ZNF667: variants seen among roughly 807,000 people sequenced by gnomAD.
ZNF667 encodes the protein zinc finger protein 667, also known as myocardial ischemic preconditioning upregulated 1 ortholog.
A neutral mutation model predicts 31.8 loss-of-function variants in ZNF667; 13 were observed. The ratio of observed to expected loss-of-function variants is 0.41; its 90% CI spans 0.27 to 0.65. The LOEUF (loss-of-function observed/expected upper bound fraction) is 0.65, where lower values mean the gene tolerates loss of function less well. Among genes scored for constraint, ZNF667 ranks in the 30% least tolerant of loss-of-function variants. The probability of loss-of-function intolerance (pLI) is 0.32; values close to 1 mark genes in which losing one functional copy is unlikely to be tolerated. For synonymous variants in ZNF667, 228 were observed against 247.1 expected, an observed-to-expected ratio of 0.92 and a Z score of 0.73; for missense variants, 642 against 725.6, an observed-to-expected ratio of 0.88 and a Z score of 1.32.
chr19:56,456,786 T>C (rs973373526), intron 6 of ZNF667, among the ~76,000 whole-genome samples: 2 of 152,186 alleles, frequency 1.3e-5, no homozygotes, highest in Non-Finnish European at 2.9e-5. Context: ...TTTCATTAAA[T>C]AAACAAGTAA....
intron 3 of ZNF667, among the ~76,000 whole-genome samples, chr19:56,470,738 G>A (rs1280816423): frequency 1.3e-5 from 2 of 152,140 alleles, no homozygotes; most frequent in Non-Finnish European, 2.9e-5. Flanking sequence ...ACTGAGGAGC[G>A]AGGGCTCGGT....
At chr19:56,446,209 T>G (rs1227495828) in intron 6 of ZNF667, among the ~76,000 whole-genome samples, 1 of 152,246 alleles carries the variant, frequency 6.6e-6, no homozygotes, top group Admixed American at 6.5e-5. Context: ...ACACACTTGT[T>G]AACTCTATTA....
chr19:56,440,692 A>G lies in ZNF667; in HGVS notation c.*470T>C. 1 of 740,194 alleles carries G rather than the reference A, an allele frequency of 1.4e-6. No individual in the cohort carries two copies. Among genetic ancestry groups the G allele is most frequent in the South Asian group, 6.0e-5 (1 of 16,712 alleles). 45.9% of individuals were successfully genotyped at this position (740,194 alleles called of 1,614,324 possible). A position where few individuals can be genotyped will look rare whatever the true frequency, so the allele number is the denominator to read the frequency against. On this transcript the variant is annotated 3_prime_UTR_variant, in exon 7 of 7. Coordinates refer to ENST00000504904, the MANE Select transcript of ZNF667 (RefSeq NM_001321356.2). The stretch of plus-strand genomic sequence containing the variant: ...TGCTCTGTTGCCCAGACTGGAGTGC[A>G]GTGGTGCAATCTCTGCTCGGTGCAA...
At chr19:56,467,082 C>T (rs745972948) in intron 3 of ZNF667, 21 of 455,998 alleles carry the variant, frequency 4.6e-5, no homozygotes, top group Middle Eastern at 6.5e-4. Context: ...CAAGAAGGGG[C>T]GGGGTCCCAT....
Position 56,442,698 on chromosome 19 carries a change from T to A in ZNF667, c.297A>T (p.Gln99His). The change falls in exon 7 of 7, where the codon CAA (glutamine) becomes CAT (histidine). Residue 99 changes from glutamine (Q) to histidine (H), a missense_variant. Gln to His is a conservative substitution (Grantham distance 24). Coordinates refer to ENST00000504904, the MANE Select transcript of ZNF667 (RefSeq NM_001321356.2). ...KCETKKLPPN[Q>H]CNKSGQSICQ... is the part of the protein sequence containing the mutation. ...AGATGCTTTGCCCAGATTTGTTGCA[T>A]TGATTTGGAGGTAACTTCTTGGTCT... 1 of 1,608,628 alleles carries A rather than the reference T, an allele frequency of 6.2e-7. No homozygotes were observed. Among genetic ancestry groups the A allele is most frequent in the Non-Finnish European group, 8.5e-7 (1 of 1,178,672 alleles).
intron 6 of ZNF667, among the ~76,000 whole-genome samples, chr19:56,445,997 G>C (rs2042702024): frequency 6.6e-6 from 1 of 151,954 alleles, no homozygotes; most frequent in Non-Finnish European, 1.5e-5. Flanking sequence ...CCAACACTGA[G>C]GATTAAATTT....
intron 1 of ZNF667, among the ~76,000 whole-genome samples, chr19:56,476,170 A>C (rs1314376364): frequency 6.6e-6 from 1 of 152,166 alleles, no homozygotes; most frequent in Non-Finnish European, 1.5e-5. Flanking sequence ...GCCAGTGGTG[A>C]AACCAGGAGT....
chr19:56,441,213 C>T lies in ZNF667; in HGVS notation c.1782G>A (p.Arg594=). 1 of 1,613,998 alleles carries T rather than the reference C, an allele frequency of 6.2e-7. No individual in the cohort carries two copies. The highest frequency in any genetic ancestry group is 8.5e-7 in the Non-Finnish European group (1 of 1,179,900). Residue 594 remains arginine (R), a synonymous_variant, in exon 7 of 7, where the codon CGG becomes CGA. Transcript: ENST00000504904. This position sits in a 1 kb window ranked among gnomAD's most constrained non-coding sequence, Gnocchi z 4.2. ...TCTGATGTCGAATCAGGGATGAACT[C>T]CGACTATATGCCTTCCCACATTTAC... The part of the protein sequence containing the change: ...ECSKCGKAYS[R]SSSLIRHQNT...
rs1024115002 is a variant in ZNF667, at chr19:56,472,070, G to A, written c.-431C>T. 1.3e-5 allele frequency: 2 copies of A among 152,310 alleles called. No individual in the cohort carries two copies. The highest frequency in any genetic ancestry group is 1.9e-4 in the East Asian group (1 of 5,200). 9.4% of individuals were successfully genotyped at this position (152,310 alleles called of 1,614,324 possible). A position where few individuals can be genotyped will look rare whatever the true frequency, so the allele number is the denominator to read the frequency against. On this transcript the variant is annotated 5_prime_UTR_variant, in exon 3 of 7. Coordinates refer to ENST00000504904, the MANE Select transcript of ZNF667 (RefSeq NM_001321356.2). ...AGACGTGTCTTTCACCTTCCATCAC[G>A]ATTGTGAGGCCTCCCCAGCCACGTA...
At chr19:56,457,761 C>G (rs544467680) in intron 6 of ZNF667, among the ~76,000 whole-genome samples, 1 of 152,320 alleles carries the variant, frequency 6.6e-6, no homozygotes, top group African/African-American at 2.4e-5. Context: ...CTCTATGCTG[C>G]AACAGATTGA....
At chr19:56,463,011 C>A (rs1038431434) in intron 3 of ZNF667, among the ~76,000 whole-genome samples, 10 of 151,996 alleles carry the variant, frequency 6.6e-5, no homozygotes, top group Middle Eastern at 3.4e-3. Flanking sequence ...CAGGTGTCAG[C>A]GTCATGGGTG....
At chr19:56,469,242 A>C (rs1297664962) in intron 3 of ZNF667, among the ~76,000 whole-genome samples, 1 of 152,160 alleles carries the variant, frequency 6.6e-6, no homozygotes, top group African/African-American at 2.4e-5. Flanking sequence ...ACGTGCACAC[A>C]CACCCACGCA....
intron 1 of ZNF667, among the ~76,000 whole-genome samples, chr19:56,476,532 G>T (rs2043411101): frequency 6.6e-6 from 1 of 152,180 alleles, no homozygotes. Context: ...CAAGCTCTGT[G>T]CAGGGTGTTT....
chr19:56,456,376 C>A (rs1416908168), intron 6 of ZNF667, among the ~76,000 whole-genome samples: 1 of 152,218 alleles, frequency 6.6e-6, no homozygotes, highest in East Asian at 1.9e-4. Context: ...CTTTCAGGAG[C>A]TGTGTCCCTG....
intron 3 of ZNF667, among the ~76,000 whole-genome samples, 171 bp from the exon 4 acceptor site, chr19:56,462,600 G>A (rs1442400552): frequency 2.0e-5 from 3 of 152,204 alleles, no homozygotes; most frequent in Non-Finnish European, 4.4e-5. Context: ...TCACGGTCAG[G>A]GAAGGGCACG....
intron 6 of ZNF667, among the ~76,000 whole-genome samples, chr19:56,457,348 G>A (rs2042955309): frequency 6.6e-6 from 1 of 152,156 alleles, no homozygotes; most frequent in Non-Finnish European, 1.5e-5. Context: ...AGGGGGACAG[G>A]TGGGCATAAG....
rs367595818 is a variant in ZNF667, at chr19:56,442,083, A to T, written c.912T>A (p.Ala304=). 2.0e-5 allele frequency: 32 copies of T among 1,614,178 alleles called. No homozygotes were observed. The African/African-American group carries it at 4.3e-4, about 22-fold the overall frequency. Residue 304 remains alanine, a synonymous_variant, in exon 7 of 7, where the codon GCT becomes GCA. Coordinates refer to ENST00000504904, the MANE Select transcript of ZNF667 (RefSeq NM_001321356.2). ...TCGCATTTTCAGGGATTTTCTCTCC[A>T]GCATGAATTCTTTTATGTACAACAA... ...SVFVVHKRIH[A]GEKIPENAKA...
rs946790736 is a variant in ZNF667, at chr19:56,440,453, A to G, written c.*709T>C. ...CTCACCCACAAGTTTGTCAGCTGAA[A>G]GTGGCACCCTGTTTTGCCGAGAAGT... On this transcript the variant is annotated 3_prime_UTR_variant, in exon 7 of 7. Transcript: ENST00000504904. The G allele has an allele frequency of 3.0e-6, 1 of 337,934 alleles. No individual in the cohort carries two copies. The highest frequency in any genetic ancestry group is 4.2e-6 in the Non-Finnish European group (1 of 237,990). The allele number at this position is 337,934 out of a possible 1,614,324, so 20.9% of individuals were successfully genotyped here.
At chr19:56,459,231 G>T (rs568513992) in intron 5 of ZNF667, among the ~76,000 whole-genome samples, 1 of 152,142 alleles carries the variant, frequency 6.6e-6, no homozygotes, top group Non-Finnish European at 1.5e-5. Context: ...ATTTTAATTC[G>T]ACAAAGCAAA....
Sources: gnomAD v4.1 joint callset for allele counts (sites outside exome capture counted in the v4.1 genomes callset) on GRCh38, gnomAD v4.1.1 for gene constraint, Gnocchi (gnomAD v3.1) non-coding constraint, MANE v1.5 for transcripts, NCBI Gene and HGNC (gene_info 2026-07-23, HGNC 2026-07-21) for gene names.